The following ADGRA2 variants were observed in gnomAD, a reference collection of about 807,000 sequenced individuals.
The protein encoded by ADGRA2 is G-protein coupled receptor 124.
In ADGRA2, 61 loss-of-function variants were observed where a neutral mutation model predicts 98.7. That is an observed-to-expected ratio of 0.62 (90% CI 0.50 to 0.76). The LOEUF (loss-of-function observed/expected upper bound fraction) is 0.76. Ranked by LOEUF, ADGRA2 falls within the 30% of genes least tolerant of loss-of-function variation. The probability of loss-of-function intolerance (pLI) is 0.00; values close to 1 mark genes in which losing one functional copy is unlikely to be tolerated. For missense variants in ADGRA2, 1,712 were observed against 1,860.0 expected, an observed-to-expected ratio of 0.92 and a Z score of 1.46; for synonymous variants, 858 against 831.5, an observed-to-expected ratio of 1.03 and a Z score of -0.55.
At chr8:37,818,411 G>A (rs185289941) in intron 2 of ADGRA2, among the ~76,000 whole-genome samples, 59 of 152,342 alleles carry the variant, frequency 3.9e-4, no homozygotes, top group African/African-American at 1.3e-3. Flanking sequence ...AAGACGGCCT[G>A]TCCTTCTCCA....
intron 2 of ADGRA2, among the ~76,000 whole-genome samples, chr8:37,821,908 G>A (rs1215413965): frequency 6.6e-6 from 1 of 152,150 alleles, no homozygotes; most frequent in African/African-American, 2.4e-5. Context: ...ATTAGTCTGT[G>A]GGTGGGGCCG....
At position 37,829,549 on chromosome 8, in the gene ADGRA2, C is replaced by T; in HGVS notation, c.544C>T (p.Leu182Phe). Residue 182 changes from leucine to phenylalanine, a missense_variant, in exon 5 of 19, where the codon CTT becomes TTT. Physicochemically the swap from Leu to Phe is conservative, Grantham distance 22. Transcript: ENST00000412232. ...TGGGGTCTTTGATGAGCTGCCAGCC[C>T]TTAAGGTTGTGTGAGTATCTCTTCC... is the stretch of plus-strand genomic sequence containing the variant. Reference protein sequence around the residue: ...QPGVFDELPALKVVDLGTEFL... With the variant: ...QPGVFDELPAFKVVDLGTEFL... 6.2e-7 allele frequency: 1 copy of T among 1,611,030 alleles called. No individual in the cohort carries two copies.
chr8:37,816,928 ACAC>A, intron 2 of ADGRA2, among the ~76,000 whole-genome samples: 1 of 5,408 alleles, frequency 1.8e-4, no homozygotes, highest in Non-Finnish European at 2.9e-4. Flanking sequence ...AGAAAGCAAA[ACAC>A]ACACACACAC....
chr8:37,826,312 AGGATGG>A (rs1386345123), intron 2 of ADGRA2, among the ~76,000 whole-genome samples: 1 of 152,010 alleles, frequency 6.6e-6, no homozygotes, highest in Non-Finnish European at 1.5e-5. Context: ...GCAGGCAGTG[AGGATGG>A]GGTCTGGCGG....
intron 1 of ADGRA2, among the ~76,000 whole-genome samples, chr8:37,807,679 T>A (rs1804717169): frequency 6.6e-6 from 1 of 152,040 alleles, no homozygotes; most frequent in Non-Finnish European, 1.5e-5. Flanking sequence ...ACCAGTTCTG[T>A]GATGGTTTCC....
At position 37,835,164 on chromosome 8, in the gene ADGRA2, C is replaced by G; in HGVS notation, c.1609-10C>G. On this transcript the variant is annotated splice_polypyrimidine_tract_variant and intron_variant, in intron 11 of 18. Coordinates refer to ENST00000412232, the MANE Select transcript of ADGRA2 (RefSeq NM_032777.10). ...CTCAAATGGTGGGATGACAAGGTCC[C>G]TGTCCCCAGAATGCGAGGAACGTGG... 1 of 1,606,554 alleles carries G rather than the reference C, an allele frequency of 6.2e-7. No individual in the cohort carries two copies. The highest frequency in any genetic ancestry group is 1.1e-5 in the South Asian group (1 of 90,798).
Position 37,837,958 on chromosome 8 carries a change from G to A in ADGRA2, c.2259+19G>A. ...GCTCATGGTGGGTGTGAGGAGGGGT[G>A]ACAAGTCGGGGGGGCAGGGACACGG... On this transcript the variant is annotated intron_variant, in intron 14 of 18. Transcript: ENST00000412232. The A allele has an allele frequency of 1.4e-6, 2 of 1,447,330 alleles. No homozygotes were observed. The highest frequency in any genetic ancestry group is 1.8e-6 in the Non-Finnish European group (2 of 1,096,824). The allele number at this position is 1,447,330 out of a possible 1,614,324, so 89.7% of individuals were successfully genotyped here.
chr8:37,827,173 C>T (rs1805306370), intron 2 of ADGRA2, among the ~76,000 whole-genome samples: 1 of 152,238 alleles, frequency 6.6e-6, no homozygotes, highest in South Asian at 2.1e-4. Flanking sequence ...GAAGCCTGTC[C>T]TGGTTTAGCT....
At chr8:37,805,075 G>A (rs926187011) in intron 1 of ADGRA2, among the ~76,000 whole-genome samples, 1 of 152,242 alleles carries the variant, frequency 6.6e-6, no homozygotes, top group Non-Finnish European at 1.5e-5. Context: ...CTCAGAGAAG[G>A]ATGGATGCTA....
chr8:37,843,707 C>CTGTTA lies in ADGRA2; in HGVS notation c.*1354_*1358dup, dbSNP rs778231794. 3.3e-5 allele frequency: 5 copies of CTGTTA among 152,372 alleles called. No homozygotes were observed. The highest frequency in any genetic ancestry group is 5.9e-5 in the Non-Finnish European group (4 of 68,010). 9.4% of individuals were successfully genotyped at this position (152,372 alleles called of 1,614,324 possible). ...CCACACACACTCCTTGGAATGGGTC[C>CTGTTA]TGTTATTTATGCTTGCTGCACAGAC... On this transcript the variant is annotated 3_prime_UTR_variant, in exon 19 of 19. Coordinates refer to ENST00000412232, the MANE Select transcript of ADGRA2 (RefSeq NM_032777.10).
In ADGRA2 at chr8:37,841,608, G is replaced by T; in HGVS notation, c.3270G>T (p.Ala1090=). ...CCTGCTGCCCCCCTGCCTCTCCCGCGGCCCCCCATGCCCCGCCCCGGGCCC... is the reference window on the plus strand; with the variant it reads ...CCTGCTGCCCCCCTGCCTCTCCCGCTGCCCCCCATGCCCCGCCCCGGGCCC... ...WRACCPPASP[A]APHAPPRALP... The change falls in exon 19 of 19, where the codon GCG becomes GCT. Residue 1090 remains alanine, a synonymous_variant. Transcript: ENST00000412232. This position sits in a 1 kb window ranked among gnomAD's most constrained non-coding sequence, Gnocchi z 5.0. The T allele has an allele frequency of 6.4e-7, 1 of 1,559,226 alleles. No homozygotes were observed. Among genetic ancestry groups the T allele is most frequent in the Non-Finnish European group, 8.7e-7 (1 of 1,152,448 alleles).
At chr8:37,801,016 G>A (rs1456515287) in intron 1 of ADGRA2, among the ~76,000 whole-genome samples, 3 of 152,040 alleles carry the variant, frequency 2.0e-5, no homozygotes, top group Non-Finnish European at 4.4e-5. Context: ...TCTGAGTGCT[G>A]GGGGCTGTTC....
At chr8:37,824,350 T>C (rs1805209921) in intron 2 of ADGRA2, among the ~76,000 whole-genome samples, 1 of 151,870 alleles carries the variant, frequency 6.6e-6, no homozygotes, top group South Asian at 2.1e-4. Context: ...TTCAACTGGA[T>C]TATTTGTCTT....
chr8:37,825,410 A>ATTTT (rs750368833), intron 2 of ADGRA2, among the ~76,000 whole-genome samples: 1 of 138,110 alleles, frequency 7.2e-6, no homozygotes, highest in Admixed American at 7.4e-5. Flanking sequence ...CATTGGCTAA[A>ATTTT]TTTTTTTTTT....
intron 1 of ADGRA2, among the ~76,000 whole-genome samples, chr8:37,812,153 G>GTGGTGT (rs776961496): frequency 3.1e-4 from 44 of 142,220 alleles, no homozygotes; most frequent in South Asian, 1.4e-3. Flanking sequence ...ACTTGCAATG[G>GTGGTGT]TGTTGTTGTT....
intron 2 of ADGRA2, among the ~76,000 whole-genome samples, chr8:37,824,927 CAA>C (rs949215761): frequency 2.1e-4 from 32 of 152,338 alleles, no homozygotes; most frequent in African/African-American, 7.5e-4. Flanking sequence ...CTTCTGCTCA[CAA>C]ACTCACTCTT....
Position 37,839,020 on chromosome 8 carries a change from C to G in ADGRA2, c.2324C>G (p.Pro775Arg). 7 of 1,605,518 alleles carry G rather than the reference C, an allele frequency of 4.4e-6. No homozygotes were observed. Among genetic ancestry groups the G allele is most frequent in the Non-Finnish European group, 6.0e-6 (7 of 1,175,590 alleles). ...GCAGGGCTGCACCCCGTGGTATACC[C>G]CTGCACGGCCTTGCTGCTGCTCTGC... ...AGAGLHPVVY[P>R]CTALLLLCLF... Residue 775 changes from proline (P) to arginine (R), a missense_variant, in exon 15 of 19, where the codon CCC becomes CGC. Transcript: ENST00000412232.
intron 1 of ADGRA2, among the ~76,000 whole-genome samples, chr8:37,813,670 G>A (rs577375607): frequency 6.6e-6 from 1 of 152,186 alleles, no homozygotes; most frequent in Admixed American, 6.5e-5. Flanking sequence ...AGGAGATGAG[G>A]TCTCCACCCC....
Position 37,829,543 on chromosome 8 carries a change from C to T in ADGRA2, c.538C>T (p.Pro180Ser). The change falls in exon 5 of 19, where the codon CCA (proline) becomes TCA (serine). Residue 180 changes from proline to serine, a missense_variant. By Grantham distance (74) the Pro-to-Ser change is moderately conservative (BLOSUM62 -1). Coordinates refer to ENST00000412232, the MANE Select transcript of ADGRA2 (RefSeq NM_032777.10). ...SLQPGVFDEL[P>S]ALKVVDLGTE... is the part of the protein sequence containing the mutation. The stretch of plus-strand genomic sequence containing the variant: ...GCAACCTGGGGTCTTTGATGAGCTG[C>T]CAGCCCTTAAGGTTGTGTGAGTATC... 1 of 1,611,776 alleles carries T rather than the reference C, an allele frequency of 6.2e-7. No individual in the cohort carries two copies. The highest frequency in any genetic ancestry group is 8.5e-7 in the Non-Finnish European group (1 of 1,177,862).
Sources: gnomAD v4.1 joint callset for allele counts (sites outside exome capture counted in the v4.1 genomes callset) on GRCh38, gnomAD v4.1.1 for gene constraint, Gnocchi (gnomAD v3.1) non-coding constraint, MANE v1.5 for transcripts, NCBI Gene and HGNC (gene_info 2026-07-23, HGNC 2026-07-21) for gene names.